The following EYA2 variants were observed in gnomAD, a reference collection of about 807,000 sequenced individuals.
EYA2 encodes the protein protein phosphatase EYA2.
In EYA2, 31 loss-of-function variants were observed where a neutral mutation model predicts 69.2. The observed-to-expected ratio is 0.45, with a 90% CI of 0.34 to 0.60. The LOEUF is 0.60. EYA2 is among the 20% of genes least tolerant of loss of function. The pLI is 0.02. For missense variants in EYA2, 622 were observed against 701.2 expected (o/e 0.89, Z 1.28); for synonymous variants, 257 against 279.4 (o/e 0.92, Z 0.80).
Position 47,142,786 on chromosome 20 carries a change from G to A in EYA2, c.889-273G>A, listed in dbSNP as rs139363196. 2.6e-5 allele frequency among the ~76,000 whole-genome samples: 4 copies of A among 152,322 alleles called. No homozygotes were observed. In the East Asian group the frequency reaches 5.8e-4, roughly 22 times the overall value. Reference sequence around the variant, plus strand: ...TATCTGTGATAAGTGTCCTTGCAACGCTGAACACTGTTGCAATCCCAGGGT... The same window carrying A: ...TATCTGTGATAAGTGTCCTTGCAACACTGAACACTGTTGCAATCCCAGGGT... On this transcript the variant is annotated intron_variant, in intron 9 of 15. Coordinates refer to ENST00000327619, the MANE Select transcript of EYA2 (RefSeq NM_005244.5).
chr20:46,987,871 G>A (rs1267325585), intron 1 of EYA2, among the ~76,000 whole-genome samples: 1 of 144,884 alleles, frequency 6.9e-6, no homozygotes, highest in African/African-American at 2.5e-5. Flanking sequence ...AGGTTGCAGT[G>A]AGCCAAGATT....
intron 8 of EYA2, among the ~76,000 whole-genome samples, chr20:47,092,808 G>A (rs1367231530): frequency 6.6e-6 from 1 of 152,176 alleles, no homozygotes; most frequent in African/African-American, 2.4e-5. Flanking sequence ...TAGAAGGTTT[G>A]CTTGGGTCAC....
chr20:47,157,715 G>A (rs1488630407), intron 10 of EYA2, among the ~76,000 whole-genome samples: 2 of 151,728 alleles, frequency 1.3e-5, no homozygotes, highest in Non-Finnish European at 2.9e-5. Flanking sequence ...TAGCCCAAGT[G>A]GAAATAAAAA....
intron 11 of EYA2, among the ~76,000 whole-genome samples, chr20:47,170,880 C>T (rs1418179538): frequency 6.6e-6 from 1 of 152,196 alleles, no homozygotes; most frequent in African/African-American, 2.4e-5. Flanking sequence ...GTGTCTCTCC[C>T]AACTTACTGC....
In EYA2 at chr20:47,188,142, G is replaced by T; in HGVS notation, c.*9G>T. The T allele has an allele frequency of 6.4e-7, 1 of 1,567,950 alleles. No individual in the cohort carries two copies. Among genetic ancestry groups the T allele is most frequent in the Non-Finnish European group, 8.6e-7 (1 of 1,156,754 alleles). On this transcript the variant is annotated 3_prime_UTR_variant, in exon 16 of 16. Coordinates refer to ENST00000327619, the MANE Select transcript of EYA2 (RefSeq NM_005244.5). ...AGCTGGAGTATTTATAGCAGGATCAGCAGCATCTCCACCTGCCATCTCACC... is the reference window on the plus strand; with the variant it reads ...AGCTGGAGTATTTATAGCAGGATCATCAGCATCTCCACCTGCCATCTCACC...
chr20:47,110,892 G>A (rs1338077495), intron 9 of EYA2, among the ~76,000 whole-genome samples: 2 of 152,218 alleles, frequency 1.3e-5, no homozygotes, highest in Admixed American at 1.3e-4. Context: ...ATGCCCCCTA[G>A]CCTGGCCTCA....
intron 2 of EYA2, among the ~76,000 whole-genome samples, chr20:46,999,754 G>A (rs961281194): frequency 6.6e-6 from 1 of 152,168 alleles, no homozygotes; most frequent in South Asian, 2.1e-4. Context: ...GTTGACCTTG[G>A]ACTCACACAG....
chr20:47,057,744 GC>G (rs1235501604), intron 5 of EYA2, among the ~76,000 whole-genome samples: 2 of 152,196 alleles, frequency 1.3e-5, no homozygotes, highest in African/African-American at 4.8e-5. Flanking sequence ...CCTTTGCACT[GC>G]CGGGGCTGGC....
At chr20:46,990,761 T>G (rs1192468249) in intron 2 of EYA2, among the ~76,000 whole-genome samples, 1 of 152,252 alleles carries the variant, frequency 6.6e-6, no homozygotes, top group Non-Finnish European at 1.5e-5. Flanking sequence ...GGCTTAACCC[T>G]TTCTTTGGCC....
intron 10 of EYA2, among the ~76,000 whole-genome samples, chr20:47,155,183 A>G (rs1461083231): frequency 6.6e-6 from 1 of 151,946 alleles, no homozygotes; most frequent in African/African-American, 2.4e-5. Context: ...TGTAAGATGA[A>G]AAATCGAATT....
At chr20:47,182,772 C>G (rs1220415035) in intron 14 of EYA2, among the ~76,000 whole-genome samples, 3 of 151,838 alleles carry the variant, frequency 2.0e-5, no homozygotes, top group African/African-American at 7.3e-5. Context: ...CCCATCTCTA[C>G]TAAAAAATAC....
intron 1 of EYA2, among the ~76,000 whole-genome samples, chr20:46,932,728 CA>C (rs558588814): frequency 1.3e-5 from 2 of 151,900 alleles, no homozygotes; most frequent in Admixed American, 1.3e-4. Context: ...AGTAAAAATA[CA>C]AAAAAAATCA....
At chr20:47,044,334 G>A (rs939750650) in intron 5 of EYA2, among the ~76,000 whole-genome samples, 3 of 152,156 alleles carry the variant, frequency 2.0e-5, no homozygotes, top group Admixed American at 2.0e-4. Context: ...CATATGTTGG[G>A]TGACACCCAC....
intron 1 of EYA2, among the ~76,000 whole-genome samples, chr20:46,943,581 A>G (rs1297465894): frequency 6.6e-6 from 1 of 152,220 alleles, no homozygotes; most frequent in Non-Finnish European, 1.5e-5. Flanking sequence ...GGATTTGGGC[A>G]GGAGGGTTCA....
At chr20:47,020,524 A>G (rs1168543321) in intron 5 of EYA2, among the ~76,000 whole-genome samples, 1 of 151,260 alleles carries the variant, frequency 6.6e-6, no homozygotes, top group African/African-American at 2.4e-5. Flanking sequence ...TATGGGTTTG[A>G]TTTTTTTTCT....
intron 9 of EYA2, among the ~76,000 whole-genome samples, chr20:47,125,146 T>C (rs1284974073): frequency 6.7e-6 from 1 of 148,436 alleles, no homozygotes; most frequent in African/African-American, 2.5e-5. Flanking sequence ...CTCCACCTCC[T>C]GGGTTCACGC....
intron 10 of EYA2, among the ~76,000 whole-genome samples, chr20:47,157,325 GC>G (rs1385529724): frequency 8.2e-6 from 1 of 122,328 alleles, no homozygotes; most frequent in Non-Finnish European, 1.6e-5. Flanking sequence ...CTGCACTCCA[GC>G]CTTGGTGACA....
chr20:47,144,363 AAAAAG>A (rs1413691052), intron 10 of EYA2, among the ~76,000 whole-genome samples: 5 of 152,140 alleles, frequency 3.3e-5, no homozygotes, highest in Non-Finnish European at 5.9e-5. Flanking sequence ...AAAAAAAAAA[AAAAAG>A]AAAGAAAAAG....
At chr20:47,042,076 A>G (rs965967657) in intron 5 of EYA2, among the ~76,000 whole-genome samples, 2 of 152,248 alleles carry the variant, frequency 1.3e-5, no homozygotes, top group African/African-American at 4.8e-5. Context: ...CAAAGAGATT[A>G]GCGAGTGTGA....
Sources: gnomAD v4.1 joint callset for allele counts (sites outside exome capture counted in the v4.1 genomes callset) on GRCh38, gnomAD v4.1.1 for gene constraint, MANE v1.5 for transcripts, NCBI Gene and HGNC (gene_info 2026-07-23, HGNC 2026-07-21) for gene names.